Variants in SPATA17 observed in about 807,000 individuals in gnomAD.
SPATA17 encodes spermatogenesis-associated protein 17.
Under a neutral mutation model 62.2 loss-of-function variants are expected in SPATA17, and 53 were observed. That is an observed-to-expected ratio of 0.85 (90% confidence interval 0.68 to 1.07). The LOEUF is 1.07. Among genes scored for constraint, SPATA17 ranks in the 50% least tolerant of loss-of-function variants. SPATA17 has a pLI of 0.00. For missense variants in SPATA17, 466 were observed against 425.5 expected (o/e 1.10, Z -0.84); for synonymous variants, 146 against 146.8 (o/e 0.99, Z 0.04).
Position 217,774,541 on chromosome 1 carries a change from C to T in SPATA17, c.723+4C>T. The T allele has an allele frequency of 2.5e-6, 4 of 1,611,744 alleles. No individual in the cohort carries two copies. Among genetic ancestry groups the T allele is most frequent in the Non-Finnish European group, 3.4e-6 (4 of 1,178,348 alleles). Reference sequence around the variant, plus strand: ...TATTAATAGAAAGCAATGTCAGGTACTAGTTTGCTGTATAAGAATTCTGTC... The same window carrying T: ...TATTAATAGAAAGCAATGTCAGGTATTAGTTTGCTGTATAAGAATTCTGTC... On this transcript the variant is annotated splice_donor_region_variant and intron_variant, in intron 7 of 10. Transcript: ENST00000366933.
chr1:217,866,895 G>A (rs1214270669), intron 10 of SPATA17, 127 bp from the exon 11 acceptor site: 6 of 140,760 alleles, frequency 4.3e-5, no homozygotes, highest in African/African-American at 1.3e-4. Context: ...AAGATGAAAT[G>A]TAAAACTGAG....
chr1:217,657,459 G>T (rs565858631), intron 3 of SPATA17, among the ~76,000 whole-genome samples: 11 of 152,274 alleles, frequency 7.2e-5, no homozygotes, highest in African/African-American at 2.6e-4. Flanking sequence ...ATCTTCTGAA[G>T]CAAGAGTGCA....
At chr1:217,696,251 A>G (rs977095969) in intron 5 of SPATA17, among the ~76,000 whole-genome samples, 1 of 152,006 alleles carries the variant, frequency 6.6e-6, no homozygotes, top group African/African-American at 2.4e-5. Context: ...GAGTGACCCG[A>G]TTTTCCAGGT....
At position 217,686,130 on chromosome 1, in the gene SPATA17, T is replaced by C. The variant is rs558327294; in HGVS notation, c.395+2769T>C. On this transcript the variant is annotated intron_variant, in intron 5 of 10. Coordinates refer to ENST00000366933, the MANE Select transcript of SPATA17 (RefSeq NM_138796.4). Reference sequence around the variant, plus strand: ...GGACTATGTAATTTTCTTTCTTATATTGCAATTGTCAGATCCTAGTGTCAG... The same window carrying C: ...GGACTATGTAATTTTCTTTCTTATACTGCAATTGTCAGATCCTAGTGTCAG... Among the ~76,000 whole-genome samples, 5 of 152,266 alleles carry C rather than the reference T, an allele frequency of 3.3e-5. No individual in the cohort carries two copies. The South Asian group carries it at 1.0e-3, about 32-fold the overall frequency.
chr1:217,871,109 G>C lies in SPATA17; in HGVS notation c.*4090G>C, dbSNP rs1676120275. Reference sequence around the variant, plus strand: ...GATTGTGATGTACACTAAGTGGGTTGATCCTGAGATCAAGCTATGATTGCT... The same window carrying C: ...GATTGTGATGTACACTAAGTGGGTTCATCCTGAGATCAAGCTATGATTGCT... On this transcript the variant is annotated 3_prime_UTR_variant, in exon 11 of 11. Coordinates refer to ENST00000366933, the MANE Select transcript of SPATA17 (RefSeq NM_138796.4). 1 of 152,130 alleles carries C rather than the reference G, an allele frequency of 6.6e-6. No individual in the cohort carries two copies. 9.4% of individuals were successfully genotyped at this position (152,130 alleles called of 1,614,324 possible). A position where few individuals can be genotyped will look rare whatever the true frequency, so the allele number is the denominator to read the frequency against.
chr1:217,703,844 G>T (rs1011734754), intron 5 of SPATA17, among the ~76,000 whole-genome samples: 3 of 151,730 alleles, frequency 2.0e-5, no homozygotes, highest in Admixed American at 2.0e-4. Flanking sequence ...ATTTATATTT[G>T]TGCTAGGAGT....
chr1:217,730,290 TCA>T (rs761457006), intron 5 of SPATA17, among the ~76,000 whole-genome samples: 2 of 151,710 alleles, frequency 1.3e-5, no homozygotes, highest in Non-Finnish European at 2.9e-5. Flanking sequence ...TGATCTCGGC[TCA>T]CTGCAACCTC....
chr1:217,634,363 C>T (rs978286538), intron 1 of SPATA17, among the ~76,000 whole-genome samples: 2 of 152,064 alleles, frequency 1.3e-5, no homozygotes, highest in South Asian at 4.2e-4. Flanking sequence ...GCCAGTGAGT[C>T]AGGAGGGCTG....
At chr1:217,738,542 G>T (rs1202705671) in intron 5 of SPATA17, among the ~76,000 whole-genome samples, 1 of 152,156 alleles carries the variant, frequency 6.6e-6, no homozygotes, top group Non-Finnish European at 1.5e-5. Flanking sequence ...ATAGTTTAAT[G>T]GAAAAGATAC....
chr1:217,683,435 A>G (rs1671144842), intron 5 of SPATA17, 74 bp downstream of exon 5: 7 of 981,474 alleles, frequency 7.1e-6, no homozygotes, highest in Non-Finnish European at 9.5e-6. Context: ...TCAACACCAT[A>G]GTTAGAAATA....
rs34123629 is a variant in SPATA17, at chr1:217,868,664, GTTTTTTTTTTTTTTTT to G, written c.*1656_*1671del. 1.1e-5 allele frequency: 1 copy of G among 88,238 alleles called. No homozygotes were observed. Among genetic ancestry groups the G allele is most frequent in the Non-Finnish European group, 2.1e-5 (1 of 48,312 alleles). 5.5% of individuals were successfully genotyped at this position (88,238 alleles called of 1,614,324 possible). A position where few individuals can be genotyped will look rare whatever the true frequency, so the allele number is the denominator to read the frequency against. On this transcript the variant is annotated 3_prime_UTR_variant, in exon 11 of 11. Transcript: ENST00000366933. ...TAAACCAGAAAGTATCTGAGACAAT[GTTTTTTTTTTTTTTTT>G]TTTTTTTTTTAATTTCTGAGACAGA...
chr1:217,711,530 T>C (rs1671863370), intron 5 of SPATA17, among the ~76,000 whole-genome samples: 1 of 152,222 alleles, frequency 6.6e-6, no homozygotes, highest in Admixed American at 6.5e-5. Context: ...TTGAACTAGT[T>C]GCTTAATCTT....
At position 217,844,695 on chromosome 1, in the gene SPATA17, T is replaced by C. The variant is rs1486470245; in HGVS notation, c.1006-18079T>C. ...CTTTCTTGTTAAGTCACTGTTACTC[T>C]GGGCTTTCTAAGCTAATCCCCATTA... On this transcript the variant is annotated intron_variant, in intron 9 of 10. Transcript: ENST00000366933. 2.0e-5 allele frequency among the ~76,000 whole-genome samples: 3 copies of C among 152,188 alleles called. No homozygotes were observed. The East Asian group carries it at 5.8e-4, about 29-fold the overall frequency.
chr1:217,686,625 C>G (rs2102908752), intron 5 of SPATA17, among the ~76,000 whole-genome samples: 1 of 151,840 alleles, frequency 6.6e-6, no homozygotes, highest in South Asian at 2.1e-4. Context: ...TAATACATGC[C>G]CCTTGTAGAA....
In SPATA17 at chr1:217,842,032, A is replaced by G. The variant is rs1319658424; in HGVS notation, c.1006-20742A>G. The stretch of plus-strand genomic sequence containing the variant: ...TTGCTAGGAGATTATTATTTTTAAA[A>G]TCATAAGTAGGTATTAAACTTTATC... On this transcript the variant is annotated intron_variant, in intron 9 of 10. Transcript: ENST00000366933. Among the ~76,000 whole-genome samples, 6 of 152,064 alleles carry G rather than the reference A, an allele frequency of 3.9e-5. No homozygotes were observed. In the East Asian group the frequency reaches 9.7e-4, roughly 24 times the overall value.
At chr1:217,769,327 T>C (rs74144416) in intron 6 of SPATA17, among the ~76,000 whole-genome samples, 3,409 of 152,320 alleles carry the variant, frequency 0.022, 134 homozygotes, top group African/African-American at 0.079. Context: ...AATTTTCCAA[T>C]AGATCTGCTT....
chr1:217,684,631 G>T (rs1282292666), intron 5 of SPATA17, among the ~76,000 whole-genome samples: 1 of 152,076 alleles, frequency 6.6e-6, no homozygotes, highest in Admixed American at 6.6e-5. Context: ...GGCCAGGCTG[G>T]TCTTGAACTC....
At chr1:217,648,751 A>G (rs1023237350) in intron 1 of SPATA17, 131 bp from the exon 2 acceptor site, 3 of 493,410 alleles carry the variant, frequency 6.1e-6, no homozygotes, top group African/African-American at 5.9e-5. Flanking sequence ...TTATACTTTA[A>G]TGTTATTTAA....
intron 8 of SPATA17, among the ~76,000 whole-genome samples, chr1:217,796,792 G>T (rs190553163): frequency 6.6e-6 from 1 of 152,132 alleles, no homozygotes; most frequent in African/African-American, 2.4e-5. Flanking sequence ...ATACTAATGA[G>T]CTATATATTA....
Sources: gnomAD v4.1 joint callset for allele counts (sites outside exome capture counted in the v4.1 genomes callset) on GRCh38, gnomAD v4.1.1 for gene constraint, MANE v1.5 for transcripts, NCBI Gene and HGNC (gene_info 2026-07-23, HGNC 2026-07-21) for gene names.